Variants in XKR6 observed in about 807,000 individuals in gnomAD.
XKR6 encodes the protein XK related 6, also known as XK-related protein 6.
XKR6 carries 22 observed loss-of-function variants against 56.7 expected under a neutral mutation model. That is an observed-to-expected ratio of 0.39 (90% CI 0.28 to 0.55). The LOEUF (loss-of-function observed/expected upper bound fraction) is 0.55. Ranked by LOEUF, XKR6 falls within the 20% of genes least tolerant of loss-of-function variation. The pLI, the probability that XKR6 is intolerant of heterozygous loss-of-function variation, is 0.66. For synonymous variants in XKR6, 524 were observed against 387.8 expected, an observed-to-expected ratio of 1.35 and a Z score of -4.13; for missense variants, 852 against 889.0, an observed-to-expected ratio of 0.96 and a Z score of 0.53.
intron 1 of XKR6, among the ~76,000 whole-genome samples, chr8:11,133,702 C>A (rs553830615): frequency 6.6e-6 from 1 of 151,766 alleles, no homozygotes; most frequent in Non-Finnish European, 1.5e-5. Context: ...GGCTGAAATA[C>A]CCTATGTTGA....
In XKR6 at chr8:11,150,786, G is replaced by C. The variant is rs547430641; in HGVS notation, c.764+49790C>G. On this transcript the variant is annotated intron_variant, in intron 1 of 2. Transcript: ENST00000416569. Reference sequence around the variant, plus strand: ...AAGAGTCGCTTGAGGCCGGGAGGCAGAAGTCACAGTGAACCAAGATCAGGC... The same window carrying C: ...AAGAGTCGCTTGAGGCCGGGAGGCACAAGTCACAGTGAACCAAGATCAGGC... 7.9e-5 allele frequency among the ~76,000 whole-genome samples: 11 copies of C among 140,082 alleles called. No homozygotes were observed. The East Asian group carries it at 2.3e-3, about 30-fold the overall frequency. The allele number at this position is 140,082 out of a possible 152,430, so 91.9% of individuals were successfully genotyped here.
At chr8:11,033,159 G>A (rs1218321040) in intron 1 of XKR6, among the ~76,000 whole-genome samples, 1 of 151,982 alleles carries the variant, frequency 6.6e-6, no homozygotes, top group South Asian at 2.1e-4. Flanking sequence ...TGATGAAGGG[G>A]TTGATGATGA....
At chr8:11,190,910 T>C (rs980169520) in intron 1 of XKR6, among the ~76,000 whole-genome samples, 1 of 152,182 alleles carries the variant, frequency 6.6e-6, no homozygotes, top group African/African-American at 2.4e-5. Context: ...ATAAACAGAA[T>C]ATTCAATATA....
chr8:10,974,114 G>A (rs923583890), intron 1 of XKR6, among the ~76,000 whole-genome samples: 3 of 152,204 alleles, frequency 2.0e-5, no homozygotes, highest in African/African-American at 7.2e-5. Flanking sequence ...TTCTCTCTCA[G>A]TTGGCTCTGT....
chr8:10,904,323 G>C (rs1390448484), intron 2 of XKR6, among the ~76,000 whole-genome samples: 2 of 152,148 alleles, frequency 1.3e-5, no homozygotes, highest in Non-Finnish European at 2.9e-5. Flanking sequence ...AGAAAGGCTT[G>C]GAGAAAGGGC....
At chr8:10,943,575 G>C (rs1170538366) in intron 1 of XKR6, among the ~76,000 whole-genome samples, 1 of 152,116 alleles carries the variant, frequency 6.6e-6, no homozygotes, top group Non-Finnish European at 1.5e-5. Context: ...CCTGCTCCTT[G>C]ACCTGGTGAA....
In XKR6 at chr8:10,988,788, C is replaced by T. The variant is rs376320461; in HGVS notation, c.765-63958G>A. Among the ~76,000 whole-genome samples the T allele has an allele frequency of 3.3e-5, 5 of 152,160 alleles. No homozygotes were observed. In the East Asian group the frequency reaches 5.8e-4, roughly 18 times the overall value. On this transcript the variant is annotated intron_variant, in intron 1 of 2. Transcript: ENST00000416569. ...CCCAATTTGTCACAGAACATAACCT[C>T]AAAACATGTGAACCATGATTCTACA...
intron 1 of XKR6, among the ~76,000 whole-genome samples, chr8:11,145,812 C>G (rs537396533): frequency 1.3e-5 from 2 of 152,210 alleles, no homozygotes; most frequent in African/African-American, 4.8e-5. Context: ...GATCAAAATC[C>G]TAGCACACTG....
chr8:11,128,494 GA>G (rs1799939496), intron 1 of XKR6, among the ~76,000 whole-genome samples: 1 of 152,184 alleles, frequency 6.6e-6, no homozygotes, highest in Admixed American at 6.5e-5. Context: ...CCAAATGCCT[GA>G]TCTTCCGAAT....
At chr8:10,949,174 C>A in intron 1 of XKR6, among the ~76,000 whole-genome samples, 1 of 152,224 alleles carries the variant, frequency 6.6e-6, no homozygotes, top group African/African-American at 2.4e-5. Flanking sequence ...GCTCTAGGGC[C>A]TGGAGCAAAT....
intron 1 of XKR6, among the ~76,000 whole-genome samples, chr8:11,177,660 T>C (rs990120283): frequency 2.6e-5 from 4 of 152,168 alleles, no homozygotes; most frequent in African/African-American, 9.7e-5. Flanking sequence ...AAAACACCAG[T>C]GACAGCAGAG....
intron 1 of XKR6, among the ~76,000 whole-genome samples, chr8:10,992,111 G>A (rs190861660): frequency 2.6e-5 from 4 of 152,238 alleles, no homozygotes; most frequent in South Asian, 2.1e-4. Flanking sequence ...ACTATTCAGG[G>A]GATGGAAATC....
At chr8:10,983,447 T>C (rs1477766438) in intron 1 of XKR6, among the ~76,000 whole-genome samples, 1 of 151,952 alleles carries the variant, frequency 6.6e-6, no homozygotes, top group Admixed American at 6.6e-5. Flanking sequence ...TAGAAAAATA[T>C]AAATTACCAA....
intron 1 of XKR6, among the ~76,000 whole-genome samples, chr8:10,956,459 G>A (rs981421381): frequency 2.0e-5 from 3 of 152,152 alleles, no homozygotes; most frequent in Non-Finnish European, 4.4e-5. Context: ...GGTTCCCCAA[G>A]AAGGCCAAGA....
At chr8:11,033,608 T>G (rs1027314234) in intron 1 of XKR6, among the ~76,000 whole-genome samples, 18 of 152,278 alleles carry the variant, frequency 1.2e-4, no homozygotes, top group African/African-American at 4.1e-4. Context: ...GCCCCACTCA[T>G]TATGGGCACT....
At chr8:11,079,836 G>A (rs4841491) in intron 1 of XKR6, among the ~76,000 whole-genome samples, 41,547 of 151,872 alleles carry the variant, frequency 0.27, 6,056 homozygotes, top group Non-Finnish European at 0.31. Flanking sequence ...GCATGGTGGC[G>A]TGCACCTGTA....
chr8:11,100,163 C>T (rs1362971097), intron 1 of XKR6, among the ~76,000 whole-genome samples: 1 of 152,172 alleles, frequency 6.6e-6, no homozygotes, highest in Non-Finnish European at 1.5e-5. Flanking sequence ...GGCGATCCTT[C>T]CACTTCAGCC....
intron 1 of XKR6, among the ~76,000 whole-genome samples, chr8:11,084,414 A>G (rs1186745973): frequency 1.3e-5 from 2 of 152,292 alleles, no homozygotes; most frequent in East Asian, 3.9e-4. Context: ...TTCAGATATG[A>G]TTTATACCGT....
chr8:10,922,378 AC>A (rs1170399200), intron 2 of XKR6, among the ~76,000 whole-genome samples: 7 of 152,296 alleles, frequency 4.6e-5, no homozygotes, highest in African/African-American at 1.7e-4. Flanking sequence ...TGGAGGCCTC[AC>A]CAGGGAACCG....
Sources: allele counts gnomAD v4.1 joint callset (sites outside exome capture counted in the v4.1 genomes callset), GRCh38; gene constraint gnomAD v4.1.1; transcripts MANE v1.5; gene names NCBI Gene and HGNC (gene_info 2026-07-23, HGNC 2026-07-21).